Variants in FBXO31 observed in about 807,000 individuals in gnomAD.
FBXO31 encodes F-box protein 31, also known as F-box only protein 31.
In FBXO31, 24 loss-of-function variants were observed where a neutral mutation model predicts 54.4. The ratio of observed to expected loss-of-function variants is 0.44; its 90% CI spans 0.32 to 0.62. FBXO31 has a LOEUF of 0.62. Ranked by LOEUF, FBXO31 falls within the 20% of genes least tolerant of loss-of-function variation. The pLI is 0.05. For synonymous variants in FBXO31, 388 were observed against 335.6 expected (o/e 1.16, Z -1.71); for missense variants, 665 against 787.1 (o/e 0.84, Z 1.86).
In FBXO31 at chr16:87,376,051, C is replaced by T. The variant is rs150557611; in HGVS notation, c.340+7354G>A. ...CACTGACCAAACATATTATAAATAA[C>T]CACCTCATTTCCAGTTGCCAGTGTA... is the stretch of plus-strand genomic sequence containing the variant. On this transcript the variant is annotated intron_variant, in intron 1 of 8. Transcript: ENST00000311635. 6.6e-3 allele frequency among the ~76,000 whole-genome samples: 1,012 copies of T among 152,198 alleles called. 9 individuals carry two copies. The highest frequency in any genetic ancestry group is 9.0e-3 in the Non-Finnish European group (610 of 67,998).
At chr16:87,366,155 TG>T (rs1288680235) in intron 1 of FBXO31, among the ~76,000 whole-genome samples, 3 of 152,104 alleles carry the variant, frequency 2.0e-5, no homozygotes, top group Non-Finnish European at 2.9e-5. Flanking sequence ...GATGGGATTC[TG>T]GGAGAAGAAA....
At chr16:87,374,291 T>C (rs928086026) in intron 1 of FBXO31, among the ~76,000 whole-genome samples, 4 of 150,930 alleles carry the variant, frequency 2.7e-5, no homozygotes, top group African/African-American at 9.7e-5. Flanking sequence ...GAAAATGCAC[T>C]GACTACTTGA....
chr16:87,350,669 G>C (rs1298795678), intron 2 of FBXO31, among the ~76,000 whole-genome samples: 1 of 152,110 alleles, frequency 6.6e-6, no homozygotes, highest in African/African-American at 2.4e-5. Context: ...AGGTTCACTG[G>C]ACAATTCTTC....
At chr16:87,372,880 G>A (rs1173037272) in intron 1 of FBXO31, among the ~76,000 whole-genome samples, 1 of 151,290 alleles carries the variant, frequency 6.6e-6, no homozygotes, top group Non-Finnish European at 1.5e-5. Flanking sequence ...GGGACTACAG[G>A]CACGCCACCA....
chr16:87,365,494 G>A lies in FBXO31; in HGVS notation c.341-5128C>T, dbSNP rs1270582349. Among the ~76,000 whole-genome samples, 10 of 152,298 alleles carry A rather than the reference G, an allele frequency of 6.6e-5. 1 individual carries two copies. Among genetic ancestry groups the A allele is most frequent in the Middle Eastern group, 6.8e-3 (2 of 294 alleles). On this transcript the variant is annotated intron_variant, in intron 1 of 8. Transcript: ENST00000311635. ...TCAGCAGAGCCAGGCCGCTCTGGGCGTGGTCCAGGGACCTGCAGCATGGCC... is the reference window on the plus strand; with the variant it reads ...TCAGCAGAGCCAGGCCGCTCTGGGCATGGTCCAGGGACCTGCAGCATGGCC...
At chr16:87,357,543 G>T (rs1312642819) in intron 2 of FBXO31, among the ~76,000 whole-genome samples, 1 of 152,038 alleles carries the variant, frequency 6.6e-6, no homozygotes, top group Non-Finnish European at 1.5e-5. Flanking sequence ...GGCCAGACAG[G>T]TCTCGAACTC....
intron 2 of FBXO31, among the ~76,000 whole-genome samples, chr16:87,351,149 T>C (rs1237795376): frequency 6.6e-6 from 1 of 152,208 alleles, no homozygotes. Context: ...AGCCTGTGTC[T>C]GAGAACACGC....
At position 87,329,511 on chromosome 16, in the gene FBXO31, TG is replaced by T. The variant is rs1567610936; in HGVS notation, c.*1776del. 1 of 152,290 alleles carries T rather than the reference TG, an allele frequency of 6.6e-6. No homozygotes were observed. The highest frequency in any genetic ancestry group is 1.5e-5 in the Non-Finnish European group (1 of 68,056). 9.4% of individuals were successfully genotyped at this position (152,290 alleles called of 1,614,324 possible). ...TGAATCTTCAAGGTGCCAGTCTACA[TG>T]CCCAACAGTCCTCCAGGCTTCAAGG... On this transcript the variant is annotated 3_prime_UTR_variant, in exon 9 of 9. Transcript: ENST00000311635.
rs1427813735 is a variant in FBXO31, at chr16:87,331,319, A to G, written c.1589T>C (p.Met530Thr). The change falls in exon 9 of 9, where the codon ATG (methionine) becomes ACG (threonine). Residue 530 changes from methionine to threonine, a missense_variant. By Grantham distance (81) the Met-to-Thr change is moderately conservative. This residue lies in a region of FBXO31 where 71 missense variants were observed against 105.8 expected (regional missense o/e 0.67). Coordinates refer to ENST00000311635, the MANE Select transcript of FBXO31 (RefSeq NM_024735.5). ...GGTGAGGGACTGAATGTTCTTGAGC[A>G]TCTCATCGAAGGCCTGTGGGGACGG... ...DAPSPQAFDEMLKNIQSLTS is the reference protein window; with the variant it reads ...DAPSPQAFDETLKNIQSLTS 1.2e-6 allele frequency: 2 copies of G among 1,613,924 alleles called. No individual in the cohort carries two copies. The highest frequency in any genetic ancestry group is 1.7e-6 in the Non-Finnish European group (2 of 1,180,010).
At chr16:87,334,453 T>C (rs1025319310) in intron 7 of FBXO31, among the ~76,000 whole-genome samples, 167 bp from the exon 8 acceptor site, 1 of 152,166 alleles carries the variant, frequency 6.6e-6, no homozygotes, top group Non-Finnish European at 1.5e-5. Flanking sequence ...CCTTAGAAAG[T>C]GGCAGGGCCA....
intron 7 of FBXO31, among the ~76,000 whole-genome samples, chr16:87,334,850 C>A (rs1257698853): frequency 6.6e-6 from 1 of 152,234 alleles, no homozygotes; most frequent in Non-Finnish European, 1.5e-5. Context: ...GGGCTCACCA[C>A]ACAGCCCACC....
chr16:87,385,857 A>G (rs1321736314), upstream of FBXO31, among the ~76,000 whole-genome samples: 1 of 152,048 alleles, frequency 6.6e-6, no homozygotes, highest in Admixed American at 6.6e-5. Flanking sequence ...GAAAAAATGC[A>G]AAAATTAGCC....
chr16:87,383,994 T>C (rs371268369), upstream of FBXO31: 11 of 223,940 alleles, frequency 4.9e-5, no homozygotes, highest in South Asian at 1.6e-3. The surrounding 1 kb of genome is among the most constrained non-coding windows in gnomAD (Gnocchi z 4.9). Flanking sequence ...GAAAAGAAAG[T>C]GGTGATGCCG....
chr16:87,333,235 T>A (rs533510041), intron 8 of FBXO31, among the ~76,000 whole-genome samples: 2 of 150,468 alleles, frequency 1.3e-5, no homozygotes, highest in African/African-American at 5.0e-5. Context: ...CCTCGTCCCA[T>A]GTCAGCCGCC....
rs1265575942 is a variant in FBXO31 at position 87,327,836 on chromosome 16, G to C, written c.*3452C>G. ...TCCAGGAGTTTTATTCTCAGGACAG[G>C]TGATGGTTCTATGAGCACATTCCCG... On this transcript the variant is annotated 3_prime_UTR_variant, in exon 9 of 9. Coordinates refer to ENST00000311635, the MANE Select transcript of FBXO31 (RefSeq NM_024735.5). 6.6e-6 allele frequency: 1 copy of C among 152,180 alleles called. No individual in the cohort carries two copies. Among genetic ancestry groups the C allele is most frequent in the Non-Finnish European group, 1.5e-5 (1 of 68,046 alleles). 9.4% of individuals were successfully genotyped at this position (152,180 alleles called of 1,614,324 possible). A position where few individuals can be genotyped will look rare whatever the true frequency, so the allele number is the denominator to read the frequency against.
Position 87,330,968 on chromosome 16 carries a change from A to C in FBXO31, c.*320T>G, listed in dbSNP as rs2150666141. The stretch of plus-strand genomic sequence containing the variant: ...GGTCCTGCTTCCCGAGAAAACCACC[A>C]GCCAGCCCAGGGTGCGGGAACCCCA... On this transcript the variant is annotated 3_prime_UTR_variant, in exon 9 of 9. Transcript: ENST00000311635. 3.3e-6 allele frequency: 1 copy of C among 299,686 alleles called. No homozygotes were observed. The allele number at this position is 299,686 out of a possible 1,614,324, so 18.6% of individuals were successfully genotyped here. A position where few individuals can be genotyped will look rare whatever the true frequency, so the allele number is the denominator to read the frequency against.
chr16:87,380,929 T>A (rs961116929), intron 1 of FBXO31, among the ~76,000 whole-genome samples: 2 of 152,224 alleles, frequency 1.3e-5, no homozygotes, highest in Non-Finnish European at 2.9e-5. Flanking sequence ...AATTTTTGAT[T>A]ACACAAAAAA....
intron 8 of FBXO31, 70 bp downstream of exon 8, chr16:87,333,816 G>A: frequency 6.6e-7 from 1 of 1,506,034 alleles, no homozygotes; most frequent in Non-Finnish European, 8.9e-7. Flanking sequence ...TGTGCTAGGT[G>A]TGGGGCTGGG....
chr16:87,373,224 G>A (rs1027281915), intron 1 of FBXO31, among the ~76,000 whole-genome samples: 2 of 151,820 alleles, frequency 1.3e-5, no homozygotes, highest in African/African-American at 4.8e-5. Context: ...GGCCGAGGCG[G>A]GCAGATCACA....
Sources: gnomAD v4.1 joint callset for allele counts (sites outside exome capture counted in the v4.1 genomes callset) on GRCh38, gnomAD v4.1.1 for gene constraint, gnomAD v4.1.1 regional missense constraint, Gnocchi (gnomAD v3.1) non-coding constraint, MANE v1.5 for transcripts, NCBI Gene and HGNC (gene_info 2026-07-23, HGNC 2026-07-21) for gene names.